The following TVP23A variants were observed in gnomAD, a reference collection of about 807,000 sequenced individuals.
The protein encoded by TVP23A is Golgi apparatus membrane protein TVP23 homolog A.
A neutral mutation model predicts 31.7 loss-of-function variants in TVP23A; 21 were observed. That is an observed-to-expected ratio of 0.66 (90% CI 0.47 to 0.95). The LOEUF is 0.95. TVP23A is among the 40% of genes least tolerant of loss of function. The pLI, the probability that TVP23A is intolerant of heterozygous loss-of-function variation, is 0.00. For synonymous variants in TVP23A, 104 were observed against 96.0 expected (o/e 1.08, Z -0.49); for missense variants, 279 against 255.6 (o/e 1.09, Z -0.62).
In TVP23A at chr16:10,771,660, A is replaced by G. The variant is rs760408687; in HGVS notation, c.582+10T>C. 4 of 1,613,810 alleles carry G rather than the reference A, an allele frequency of 2.5e-6. No individual in the cohort carries two copies. In the Admixed American group the frequency reaches 6.7e-5, roughly 27 times the overall value. ...AGGAGTGGTCCAAGAGTCAGACCTCAGTTACTCACCGTCTGGAACACTGTC... is the reference window on the plus strand; with the variant it reads ...AGGAGTGGTCCAAGAGTCAGACCTCGGTTACTCACCGTCTGGAACACTGTC... On this transcript the variant is annotated intron_variant, in intron 6 of 7. Coordinates refer to ENST00000299866, the MANE Select transcript of TVP23A (RefSeq NM_001079512.4).
chr16:10,761,277 A>G, exon 9 of TVP23A: 1 of 1,207,908 alleles, frequency 8.3e-7, no homozygotes, highest in Non-Finnish European at 1.2e-6. Flanking sequence ...TCGCAGATCC[A>G]CTGCATTGCA....
chr16:10,813,516 G>C (rs1215466286), intron 2 of TVP23A, among the ~76,000 whole-genome samples: 3 of 152,196 alleles, frequency 2.0e-5, no homozygotes, highest in African/African-American at 7.2e-5. Context: ...AGATGAGGCA[G>C]AGAGATCGCT....
intron 2 of TVP23A, among the ~76,000 whole-genome samples, chr16:10,815,119 C>T (rs1338865394): frequency 1.3e-5 from 2 of 151,958 alleles, no homozygotes; most frequent in African/African-American, 4.8e-5. Context: ...TGGCCAGGCA[C>T]AGTGGCTCAC....
intron 2 of TVP23A, among the ~76,000 whole-genome samples, chr16:10,815,447 G>C (rs188310938): frequency 6.6e-6 from 1 of 152,150 alleles, no homozygotes; most frequent in East Asian, 1.9e-4. Context: ...CAAAAATACT[G>C]AGTTGTAATA....
chr16:10,762,982 G>A (rs2030233487), downstream of TVP23A, among the ~76,000 whole-genome samples: 1 of 151,972 alleles, frequency 6.6e-6, no homozygotes, highest in Admixed American at 6.5e-5. Flanking sequence ...CTGGGATAGG[G>A]GTTCAGGATG....
At chr16:10,794,137 T>C (rs2033259084) in intron 2 of TVP23A, among the ~76,000 whole-genome samples, 1 of 152,066 alleles carries the variant, frequency 6.6e-6, no homozygotes, top group Admixed American at 6.6e-5. Flanking sequence ...TATAAAGGTA[T>C]GAAACCCACT....
chr16:10,769,398 G>A (rs62026462), intron 7 of TVP23A: 26 of 349,938 alleles, frequency 7.4e-5, no homozygotes, highest in Non-Finnish European at 1.1e-4. Flanking sequence ...TTGTGGGATC[G>A]TGGGATTCTG....
At chr16:10,776,828 T>C (rs1381715905) in intron 2 of TVP23A, among the ~76,000 whole-genome samples, 2 of 152,144 alleles carry the variant, frequency 1.3e-5, no homozygotes, top group Non-Finnish European at 2.9e-5. Context: ...TTCGACCATA[T>C]AGGGCAACTT....
At chr16:10,771,585 A>G (rs1057292343) in intron 6 of TVP23A, 85 bp downstream of exon 6, 19 of 1,547,992 alleles carry the variant, frequency 1.2e-5, no homozygotes, top group South Asian at 3.4e-5. Flanking sequence ...GATATGTTAC[A>G]TTACAAACCG....
At chr16:10,816,629 A>C (rs563907308) in intron 2 of TVP23A, among the ~76,000 whole-genome samples, 1 of 152,078 alleles carries the variant, frequency 6.6e-6, no homozygotes, top group East Asian at 1.9e-4. Flanking sequence ...TGAGCCATGC[A>C]CTCAGCCTAT....
chr16:10,768,063 TGC>T lies in TVP23A; in HGVS notation c.*1037_*1038del, dbSNP rs1266947122. ...TATTTCCATGAGTACTAAATGCAGATGCCTGTGGGGCAGGAAGCAACATAAAG... is the reference window on the plus strand; with the variant it reads ...TATTTCCATGAGTACTAAATGCAGATCTGTGGGGCAGGAAGCAACATAAAG... On this transcript the variant is annotated 3_prime_UTR_variant, in exon 8 of 8. Coordinates refer to ENST00000299866, the MANE Select transcript of TVP23A (RefSeq NM_001079512.4). This position sits in a 1 kb window ranked among gnomAD's most constrained non-coding sequence, Gnocchi z 4.3. 6.2e-7 allele frequency: 1 copy of T among 1,600,688 alleles called. No homozygotes were observed. Among genetic ancestry groups the T allele is most frequent in the South Asian group, 1.1e-5 (1 of 90,784 alleles).
intron 2 of TVP23A, 145 bp from the exon 3 acceptor site, chr16:10,775,241 CTG>C: frequency 6.9e-7 from 1 of 1,453,612 alleles, no homozygotes. Context: ...GAAACTCAGG[CTG>C]TAGCCCTGGG....
intron 2 of TVP23A, among the ~76,000 whole-genome samples, chr16:10,799,026 G>C (rs2033557904): frequency 6.6e-6 from 1 of 152,182 alleles, no homozygotes; most frequent in Non-Finnish European, 1.5e-5. Context: ...CTGCCATGTT[G>C]GGAGCAGCCC....
At chr16:10,799,154 G>A (rs1189962282) in intron 2 of TVP23A, among the ~76,000 whole-genome samples, 4 of 152,184 alleles carry the variant, frequency 2.6e-5, no homozygotes, top group African/African-American at 7.2e-5. Context: ...CTGCAGCTCT[G>A]AGCAACCTCT....
chr16:10,758,969 T>C (rs1296620011), downstream of TVP23A, among the ~76,000 whole-genome samples: 2 of 152,144 alleles, frequency 1.3e-5, no homozygotes, highest in East Asian at 3.9e-4. Flanking sequence ...GTGCTATCCA[T>C]CTCAGGGGCC....
chr16:10,813,829 T>C (rs1264617192), intron 2 of TVP23A, among the ~76,000 whole-genome samples: 3 of 151,654 alleles, frequency 2.0e-5, no homozygotes, highest in African/African-American at 7.3e-5. Context: ...GATGAAACCC[T>C]GTCTCTACTA....
chr16:10,770,700 C>T (rs1166668635), intron 6 of TVP23A, among the ~76,000 whole-genome samples: 1 of 151,180 alleles, frequency 6.6e-6, no homozygotes, highest in African/African-American at 2.4e-5. Flanking sequence ...TGGAGAGACC[C>T]CGTCTACTAT....
intron 2 of TVP23A, among the ~76,000 whole-genome samples, chr16:10,797,955 CTTTTT>C (rs1162130562): frequency 1.6e-5 from 2 of 122,936 alleles, no homozygotes; most frequent in Non-Finnish European, 1.7e-5. Flanking sequence ...TTTTCTTTTT[CTTTTT>C]TTTTTTTTTT....
At chr16:10,764,404 T>A (rs2030527413), downstream of TVP23A, among the ~76,000 whole-genome samples, 1 of 151,426 alleles carries the variant, frequency 6.6e-6, no homozygotes, top group Non-Finnish European at 1.5e-5. Flanking sequence ...TCTGCTGGAG[T>A]ATTTGTCTAT....
Sources: allele counts gnomAD v4.1 joint callset (sites outside exome capture counted in the v4.1 genomes callset), GRCh38; gene constraint gnomAD v4.1.1; non-coding constraint Gnocchi (gnomAD v3.1); transcripts MANE v1.5; gene names NCBI Gene and HGNC (gene_info 2026-07-23, HGNC 2026-07-21).